The following LGR5 variants were observed in gnomAD, a reference collection of about 807,000 sequenced individuals.
LGR5 encodes leucine-rich repeat-containing G protein-coupled receptor 5.
LGR5 carries 54 observed loss-of-function variants against 76.7 expected under a neutral mutation model. The ratio of observed to expected loss-of-function variants is 0.70; its 90% CI spans 0.57 to 0.88. The LOEUF is 0.88. Ranked by LOEUF, LGR5 falls within the 40% of genes least tolerant of loss-of-function variation. The probability of loss-of-function intolerance (pLI) is 0.00; values close to 1 mark genes in which losing one functional copy is unlikely to be tolerated. For synonymous variants in LGR5, 406 were observed against 421.9 expected, an observed-to-expected ratio of 0.96 and a Z score of 0.46; for missense variants, 1,078 against 1,073.3, an observed-to-expected ratio of 1.00 and a Z score of -0.06.
intron 4 of LGR5, among the ~76,000 whole-genome samples, chr12:71,546,158 C>CA (rs979230952): frequency 6.6e-6 from 1 of 151,632 alleles, no homozygotes; most frequent in Non-Finnish European, 1.5e-5. Context: ...ACTAAAAATA[C>CA]AAAAAAATTA....
rs1565844237 is a variant in LGR5 at position 71,439,936 on chromosome 12, T to C, written c.-145T>C. ...GCGCTTCTCCTCGCCGCCCACGCCGTGGGGTCAGGAACGCGGCGTCTGGCG... is the reference window on the plus strand; with the variant it reads ...GCGCTTCTCCTCGCCGCCCACGCCGCGGGGTCAGGAACGCGGCGTCTGGCG... On this transcript the variant is annotated 5_prime_UTR_variant, in exon 1 of 18. Coordinates refer to ENST00000266674, the MANE Select transcript of LGR5 (RefSeq NM_003667.4). The C allele has an allele frequency of 2.5e-5, 17 of 674,450 alleles. No homozygotes were observed. The highest frequency in any genetic ancestry group is 3.8e-5 in the Non-Finnish European group (16 of 421,772). 41.8% of individuals were successfully genotyped at this position (674,450 alleles called of 1,614,324 possible).
chr12:71,516,792 G>A (rs973404029), intron 2 of LGR5, among the ~76,000 whole-genome samples: 1 of 151,992 alleles, frequency 6.6e-6, no homozygotes, highest in Non-Finnish European at 1.5e-5. Flanking sequence ...GTAACTTAAT[G>A]GGTTTTTTCT....
chr12:71,485,149 A>T (rs1341533616), intron 1 of LGR5, among the ~76,000 whole-genome samples: 3 of 152,344 alleles, frequency 2.0e-5, no homozygotes, highest in South Asian at 4.1e-4. Context: ...TCAGGTAAAA[A>T]AGAGAAAGAG....
At chr12:71,509,829 A>G (rs1565705827) in intron 2 of LGR5, among the ~76,000 whole-genome samples, 1 of 152,176 alleles carries the variant, frequency 6.6e-6, no homozygotes, top group Admixed American at 6.5e-5. Flanking sequence ...GAGAAGCTCT[A>G]GGGGGGTCTG....
chr12:71,560,623 C>G (rs1319720320), intron 7 of LGR5, among the ~76,000 whole-genome samples: 1 of 152,184 alleles, frequency 6.6e-6, no homozygotes, highest in African/African-American at 2.4e-5. Flanking sequence ...GAAACCCCGT[C>G]TCTACTAAAA....
chr12:71,440,036 T>C lies in LGR5; in HGVS notation c.-45T>C. 1 of 1,579,160 alleles carries C rather than the reference T, an allele frequency of 6.3e-7. No homozygotes were observed. The highest frequency in any genetic ancestry group is 2.2e-5 in the East Asian group (1 of 44,724). On this transcript the variant is annotated 5_prime_UTR_variant, in exon 1 of 18. Transcript: ENST00000266674. This position sits in a 1 kb window ranked among gnomAD's most constrained non-coding sequence, Gnocchi z 5.3. ...GCCACGGCCCGTAGCAGTCCGGTGC[T>C]GCTCTCCGCCCGCGTCCGGCTCGTG... is the stretch of plus-strand genomic sequence containing the variant.
intron 2 of LGR5, among the ~76,000 whole-genome samples, chr12:71,508,538 GA>G (rs909355872): frequency 6.6e-6 from 1 of 152,042 alleles, no homozygotes; most frequent in African/African-American, 2.4e-5. Context: ...GGTGGATCAT[GA>G]GGTCAAGAGA....
intron 2 of LGR5, among the ~76,000 whole-genome samples, chr12:71,506,432 A>G (rs1874861307): frequency 6.6e-6 from 1 of 152,084 alleles, no homozygotes; most frequent in Non-Finnish European, 1.5e-5. Context: ...CTCTTTCTTC[A>G]TGAGGTGAAT....
At chr12:71,524,370 A>G (rs753546594) in intron 2 of LGR5, 36 bp from the exon 3 acceptor site, 1 of 1,460,390 alleles carries the variant, frequency 6.8e-7, no homozygotes, top group Non-Finnish European at 9.6e-7. Flanking sequence ...ATGAAGAGGT[A>G]TGCTCACTCT....
chr12:71,503,813 T>G (rs1186870183), intron 1 of LGR5, among the ~76,000 whole-genome samples: 1 of 152,214 alleles, frequency 6.6e-6, no homozygotes, highest in African/African-American at 2.4e-5. Flanking sequence ...GCTGTCAGTC[T>G]TTTGGCCTCT....
chr12:71,583,573 A>G, intron 17 of LGR5, 74 bp from the exon 18 acceptor site: 2 of 1,496,550 alleles, frequency 1.3e-6, no homozygotes, highest in Non-Finnish European at 1.8e-6. Flanking sequence ...CTAAATAAAG[A>G]GACAAAAGGG....
chr12:71,580,382 A>T lies in LGR5; in HGVS notation c.1511A>T (p.Asp504Val), dbSNP rs371906624. The change falls in exon 16 of 18, where the codon GAC becomes GTC. Residue 504 changes from aspartate to valine, a missense_variant. Asp to Val is a radical substitution (Grantham distance 152, BLOSUM62 -3). Coordinates refer to ENST00000266674, the MANE Select transcript of LGR5 (RefSeq NM_003667.4). Reference protein sequence around the residue: ...QWNKGDNSSMDDLHKKDAGMF... With the variant: ...QWNKGDNSSMVDLHKKDAGMF... ...AATAAAGGTGACAACAGCAGTATGG[A>T]CGACCTTCATAAGAAAGATGCTGGA... is the stretch of plus-strand genomic sequence containing the variant. The T allele has an allele frequency of 1.9e-6, 3 of 1,613,972 alleles. No individual in the cohort carries two copies. Among genetic ancestry groups the T allele is most frequent in the Non-Finnish European group, 2.5e-6 (3 of 1,179,942 alleles).
chr12:71,583,684 G>T lies in LGR5; in HGVS notation c.1674G>T (p.Trp558Cys). The change falls in exon 18 of 18, where the codon TGG becomes TGT. Residue 558 changes from tryptophan (W) to cysteine (C), a missense_variant. By Grantham distance (215) the Trp-to-Cys change is radical. Transcript: ENST00000266674. ...CCTGTGAACACCTGCTTGATGGCTGGCTGATCAGAATTGGAGTGTGGACCA... is the reference window on the plus strand; with the variant it reads ...CCTGTGAACACCTGCTTGATGGCTGTCTGATCAGAATTGGAGTGTGGACCA... ...FKPCEHLLDG[W>C]LIRIGVWTIA... 1 of 1,613,896 alleles carries T rather than the reference G, an allele frequency of 6.2e-7. No individual in the cohort carries two copies. The highest frequency in any genetic ancestry group is 8.5e-7 in the Non-Finnish European group (1 of 1,179,822).
At chr12:71,544,740 A>G (rs1877068365) in intron 4 of LGR5, among the ~76,000 whole-genome samples, 1 of 152,226 alleles carries the variant, frequency 6.6e-6, no homozygotes, top group Non-Finnish European at 1.5e-5. Context: ...AAATTTTATC[A>G]CAACAAAAAA....
chr12:71,569,658 A>C (rs559578940), intron 11 of LGR5, among the ~76,000 whole-genome samples: 1 of 152,260 alleles, frequency 6.6e-6, no homozygotes, highest in Non-Finnish European at 1.5e-5. Context: ...TCAAGAAACA[A>C]CAAATGCTGG....
intron 1 of LGR5, among the ~76,000 whole-genome samples, chr12:71,454,941 T>C (rs928934830): frequency 6.6e-6 from 1 of 151,062 alleles, no homozygotes. Flanking sequence ...AACTGGGAAA[T>C]GATTATCACT....
intron 1 of LGR5, among the ~76,000 whole-genome samples, chr12:71,501,043 A>G (rs186397455): frequency 1.3e-5 from 2 of 152,306 alleles, no homozygotes; most frequent in East Asian, 3.9e-4. Context: ...ATGTGGCTTC[A>G]TTGATTTTTA....
chr12:71,470,802 G>A (rs1289624124), intron 1 of LGR5, among the ~76,000 whole-genome samples: 1 of 152,086 alleles, frequency 6.6e-6, no homozygotes, highest in Admixed American at 6.5e-5. Flanking sequence ...TGCACGTGAG[G>A]CCAAGATTGT....
intron 1 of LGR5, among the ~76,000 whole-genome samples, chr12:71,454,888 A>G (rs1210362482): frequency 6.6e-6 from 1 of 152,092 alleles, no homozygotes; most frequent in African/African-American, 2.4e-5. Context: ...ATCTCAAAAT[A>G]TATACCTAAC....
Sources: gnomAD v4.1 joint callset for allele counts (sites outside exome capture counted in the v4.1 genomes callset) on GRCh38, gnomAD v4.1.1 for gene constraint, Gnocchi (gnomAD v3.1) non-coding constraint, MANE v1.5 for transcripts, NCBI Gene and HGNC (gene_info 2026-07-23, HGNC 2026-07-21) for gene names.